NEB: variants seen among roughly 807,000 people sequenced by gnomAD.
NEB encodes the protein nebulin, also known as nemaline myopathy type 2.
In NEB, 512 loss-of-function variants were observed where a neutral mutation model predicts 952.2. That is an observed-to-expected ratio of 0.54 (90% confidence interval 0.50 to 0.58). The LOEUF (loss-of-function observed/expected upper bound fraction) is 0.58. Among genes scored for constraint, NEB ranks in the 20% least tolerant of loss-of-function variants. The pLI is 0.00. For synonymous variants in NEB, 2,900 were observed against 3,149.8 expected (o/e 0.92, Z 2.66); for missense variants, 8,428 against 9,231.1 (o/e 0.91, Z 3.56).
Position 151,506,263 on chromosome 2 carries a change from G to T in NEB, c.23557-5C>A. On this transcript the variant is annotated splice_region_variant and splice_polypyrimidine_tract_variant and intron_variant, in intron 163 of 181. Transcript: ENST00000397345. ...GACATCCTCTTTATATAAAACCTGG[G>T]CATTCAGAATCAGGACAGTGTTAAC... is the stretch of plus-strand genomic sequence containing the variant. The T allele has an allele frequency of 6.2e-7, 1 of 1,604,134 alleles. No homozygotes were observed. The highest frequency in any genetic ancestry group is 8.5e-7 in the Non-Finnish European group (1 of 1,171,128).
In NEB at chr2:151,664,563, C is replaced by G; in HGVS notation, c.5389G>C (p.Asp1797His). 1.2e-6 allele frequency: 2 copies of G among 1,608,702 alleles called. No homozygotes were observed. The highest frequency in any genetic ancestry group is 2.2e-5 in the South Asian group (2 of 89,726). The change falls in exon 44 of 182, where the codon GAC becomes CAC. Residue 1797 changes from aspartate to histidine, a missense_variant. Coordinates refer to ENST00000397345, the MANE Select transcript of NEB (RefSeq NM_001164508.2). ...ATTGCAATGGCATCAGGCCTCAGGT[C>G]ATATCCTTTCTTCTTTTCCTCTTCC... ...GWEEEKKKGY[D>H]LRPDAIAIKA...
chr2:151,549,635 C>T lies in NEB; in HGVS notation c.20049+1G>A. On this transcript the variant is annotated splice_donor_variant, in intron 130 of 181. Coordinates refer to ENST00000397345, the MANE Select transcript of NEB (RefSeq NM_001164508.2). LOFTEE classifies it high-confidence loss of function. ...ATCTCAATGAGGAGGAGACCACTCA[C>T]ATAACTGCTCATGTAACGGGTGTCC... 6.3e-7 allele frequency: 1 copy of T among 1,581,768 alleles called. No homozygotes were observed. The highest frequency in any genetic ancestry group is 1.2e-5 in the South Asian group (1 of 86,916).
intron 25 of NEB, 39 bp downstream of exon 25, chr2:151,688,253 T>A (rs747388026): frequency 1.4e-6 from 2 of 1,436,088 alleles, no homozygotes; most frequent in East Asian, 2.3e-5. Flanking sequence ...TCTCTTTTCA[T>A]GTACACCAAA....
chr2:151,572,516 T>C (rs1301934137), intron 107 of NEB, among the ~76,000 whole-genome samples: 2 of 146,202 alleles, frequency 1.4e-5, no homozygotes, highest in African/African-American at 2.5e-5. Flanking sequence ...TTTATATATA[T>C]ATATAAAATA....
At position 151,643,143 on chromosome 2, in the gene NEB, G is replaced by C; in HGVS notation, c.8160+7C>G. 6.2e-7 allele frequency: 1 copy of C among 1,606,232 alleles called. No individual in the cohort carries two copies. Among genetic ancestry groups the C allele is most frequent in the Non-Finnish European group, 8.5e-7 (1 of 1,173,910 alleles). ...TAATAACCTCCTCAAACAAACATAG[G>C]ACTTACATGATTCATGGTAATAGCA... is the stretch of plus-strand genomic sequence containing the variant. On this transcript the variant is annotated splice_region_variant and intron_variant, in intron 58 of 181. Coordinates refer to ENST00000397345, the MANE Select transcript of NEB (RefSeq NM_001164508.2).
In NEB at chr2:151,727,859, A is replaced by G; in HGVS notation, c.126T>C (p.Tyr42=). The G allele has an allele frequency of 6.2e-7, 1 of 1,613,698 alleles. No homozygotes were observed. The highest frequency in any genetic ancestry group is 8.5e-7 in the Non-Finnish European group (1 of 1,179,742). Reference sequence around the variant, plus strand: ...CTGGTTTGGAAGTTTCTGATTGCTCATAGTCAGATGTCCTTGTTGTCGTAG... The same window carrying G: ...CTGGTTTGGAAGTTTCTGATTGCTCGTAGTCAGATGTCCTTGTTGTCGTAG... ...YETTTTRTSD[Y]EQSETSKPAL... The change falls in exon 5 of 182, where the codon TAT becomes TAC. Residue 42 remains tyrosine (Y), a synonymous_variant. Transcript: ENST00000397345.
In NEB at chr2:151,674,466, T is replaced by A. The variant is rs116903097; in HGVS notation, c.3987+11A>T. On this transcript the variant is annotated intron_variant, in intron 36 of 181. Coordinates refer to ENST00000397345, the MANE Select transcript of NEB (RefSeq NM_001164508.2). Reference sequence around the variant, plus strand: ...GCAAACACCTAAACTTCACCTAAAATTTGTACTCACATCACTGGCAATGTT... The same window carrying A: ...GCAAACACCTAAACTTCACCTAAAAATTGTACTCACATCACTGGCAATGTT... 1,876 of 1,607,280 alleles carry A rather than the reference T, an allele frequency of 1.2e-3. 40 individuals are homozygous for A. The East Asian group carries it at 0.039, about 33-fold the overall frequency.
At chr2:151,676,017 T>C (rs2099356693) in intron 34 of NEB, among the ~76,000 whole-genome samples, 1 of 152,190 alleles carries the variant, frequency 6.6e-6, no homozygotes. Context: ...ATTAGAAATA[T>C]ATTACTTAGT....
chr2:151,679,668 GCCCA>G lies in NEB; in HGVS notation c.3255+49_3255+52del, dbSNP rs1427234283. ...CTTTTGGGTCATCGTCAGACCCCAA[GCCCA>G]CCCACCCACATTTTCTAGTTGCCCA... On this transcript the variant is annotated intron_variant, in intron 32 of 181. Transcript: ENST00000397345. The G allele has an allele frequency of 5.8e-5, 18 of 310,770 alleles. No individual in the cohort carries two copies. In the Admixed American group the frequency reaches 6.8e-4, roughly 12 times the overall value. The allele number at this position is 310,770 out of a possible 1,614,324, so 19.3% of individuals were successfully genotyped here.
At chr2:151,641,702 A>C (rs780256691) in intron 60 of NEB, among the ~76,000 whole-genome samples, 2 of 152,170 alleles carry the variant, frequency 1.3e-5, no homozygotes, top group Non-Finnish European at 2.9e-5. Flanking sequence ...ATTGTCATTT[A>C]TTCTTAAATT....
intron 55 of NEB, among the ~76,000 whole-genome samples, chr2:151,645,724 G>A (rs1440898113): frequency 6.6e-6 from 1 of 152,170 alleles, no homozygotes; most frequent in African/African-American, 2.4e-5. Context: ...CAATAAAAAT[G>A]AGATTCTCCT....
At chr2:151,496,915 G>GTTTTT in intron 172 of NEB, 26 bp downstream of exon 172, 1 of 1,527,576 alleles carries the variant, frequency 6.5e-7, no homozygotes, top group South Asian at 1.2e-5. Flanking sequence ...TCAGTAAGTA[G>GTTTTT]TTTTTTTCTT....
rs1347757687 is a variant in NEB, at chr2:151,723,447, A to C, written c.652T>G (p.Phe218Val). 1 of 1,610,126 alleles carries C rather than the reference A, an allele frequency of 6.2e-7. No homozygotes were observed. Among genetic ancestry groups the C allele is most frequent in the Non-Finnish European group, 8.5e-7 (1 of 1,178,240 alleles). The stretch of plus-strand genomic sequence containing the variant: ...TCCGGGCTATCATTATAGGGGTAAA[A>C]CAAACTTTTGTCTGCTTCCCAGTCT... Reference protein sequence around the residue: ...TEDWEADKSLFYPYNDSPELR... With the variant: ...TEDWEADKSLVYPYNDSPELR... Residue 218 changes from phenylalanine to valine, a missense_variant, in exon 9 of 182, where the codon TTT (phenylalanine) becomes GTT (valine). Transcript: ENST00000397345.
chr2:151,546,284 T>G (rs2094670738), intron 134 of NEB, 61 bp downstream of exon 134: 1 of 1,327,922 alleles, frequency 7.5e-7, no homozygotes, highest in Admixed American at 1.9e-5. Context: ...CCCTGGAGGC[T>G]GGTGATGGGG....
Position 151,619,895 on chromosome 2 carries a change from C to T in NEB, c.10561-133G>A, listed in dbSNP as rs372607126. On this transcript the variant is annotated intron_variant, in intron 72 of 181. Transcript: ENST00000397345. Reference sequence around the variant, plus strand: ...CACTGGTCATGCTGCTGTAACGCCACATATTGGACTGTTGTGCTCATTGGC... The same window carrying T: ...CACTGGTCATGCTGCTGTAACGCCATATATTGGACTGTTGTGCTCATTGGC... The T allele has an allele frequency of 9.2e-4, 818 of 890,542 alleles. 2 individuals carry two copies. The highest frequency in any genetic ancestry group is 3.3e-3 in the South Asian group (181 of 54,152). 55.2% of individuals were successfully genotyped at this position (890,542 alleles called of 1,614,324 possible).
intron 135 of NEB, 143 bp downstream of exon 135, chr2:151,545,745 C>A: frequency 3.4e-6 from 2 of 586,178 alleles, no homozygotes; most frequent in South Asian, 2.4e-5. Flanking sequence ...GACATAGTAG[C>A]CATTCCACAG....
At position 151,576,380 on chromosome 2, in the gene NEB, C is replaced by A. The variant is rs1447234468; in HGVS notation, c.16705-26G>T. 3.2e-6 allele frequency: 5 copies of A among 1,557,584 alleles called. No individual in the cohort carries two copies. In the Admixed American group the frequency reaches 6.9e-5, roughly 22 times the overall value. On this transcript the variant is annotated intron_variant, in intron 105 of 181. Transcript: ENST00000397345. ...CTGAAAAAGAAAACACAGGTAGAAG[C>A]AGGGTTTGTGTTTTGTTGTGTATGT...
rs369065324 is a variant in NEB, at chr2:151,570,311, A to G, written c.17200T>C (p.Trp5734Arg). 3.7e-6 allele frequency: 6 copies of G among 1,610,806 alleles called. No individual in the cohort carries two copies. The highest frequency in any genetic ancestry group is 5.1e-6 in the Non-Finnish European group (6 of 1,177,622). The change falls in exon 109 of 182, where the codon TGG becomes CGG. Residue 5734 changes from tryptophan (W) to arginine (R), a missense_variant. By Grantham distance (101) the Trp-to-Arg change is moderately radical. This residue lies in a region of NEB where 3,374 missense variants were observed against 3,651.5 expected (regional missense o/e 0.92). Transcript: ENST00000397345. ...LTARDDNKIR[W>R]ALIADKLQNE... is the part of the protein sequence containing the mutation. The stretch of plus-strand genomic sequence containing the variant: ...TGGAGCTTGTCAGCTATGAGGGCCC[A>G]GCGGATCTTGTTGTCATCCCTGGCT...
intron 34 of NEB, among the ~76,000 whole-genome samples, chr2:151,675,874 T>C (rs927633040): frequency 6.6e-6 from 1 of 152,212 alleles, no homozygotes; most frequent in African/African-American, 2.4e-5. Context: ...TGCTTATACA[T>C]GAATCTAGCA....
Sources: allele counts gnomAD v4.1 joint callset (sites outside exome capture counted in the v4.1 genomes callset), GRCh38; gene constraint gnomAD v4.1.1; regional missense constraint gnomAD v4.1.1; transcripts MANE v1.5; gene names NCBI Gene and HGNC (gene_info 2026-07-23, HGNC 2026-07-21).